The following DDAH1 variants were observed in gnomAD, a reference collection of about 807,000 sequenced individuals.
The protein encoded by DDAH1 is N(G),N(G)-dimethylarginine dimethylaminohydrolase 1.
Under a neutral mutation model 28.8 loss-of-function variants are expected in DDAH1, and 19 were observed. The ratio of observed to expected loss-of-function variants is 0.66; its 90% CI spans 0.46 to 0.97. DDAH1 has a LOEUF of 0.97. Among genes scored for constraint, DDAH1 ranks in the 50% least tolerant of loss-of-function variants. The pLI is 0.00. For missense variants in DDAH1, 326 were observed against 375.9 expected, an observed-to-expected ratio of 0.87 and a Z score of 1.10; for synonymous variants, 153 against 154.4, an observed-to-expected ratio of 0.99 and a Z score of 0.07.
At chr1:85,404,289 T>G in intron 1 of DDAH1, 2 of 1,290,674 alleles carry the variant, frequency 1.5e-6, no homozygotes, top group Non-Finnish European at 2.1e-6. Context: ...TATTGACCCA[T>G]TATACATGAA....
At chr1:85,576,601 C>G (rs983112518) in intron 1 of DDAH1, 1 of 152,506 alleles carries the variant, frequency 6.6e-6, no homozygotes, top group Non-Finnish European at 1.5e-5. Context: ...TCCGAACATC[C>G]CCCCGCCCAC....
At chr1:85,503,008 C>T (rs1656874269) in intron 1 of DDAH1, among the ~76,000 whole-genome samples, 1 of 152,090 alleles carries the variant, frequency 6.6e-6, no homozygotes, top group Admixed American at 6.6e-5. Context: ...TCTCATTGAA[C>T]ACGGACTCAG....
chr1:85,321,631 G>T, intron 5 of DDAH1, 63 bp from the exon 6 acceptor site: 1 of 1,274,172 alleles, frequency 7.8e-7, no homozygotes, highest in Non-Finnish European at 1.1e-6. Context: ...CTCAGAAGTG[G>T]AGAATCAATT....
intron 1 of DDAH1, among the ~76,000 whole-genome samples, chr1:85,416,366 T>C (rs1278739938): frequency 1.3e-5 from 2 of 152,096 alleles, no homozygotes; most frequent in African/African-American, 4.8e-5. Flanking sequence ...GGCTAAATTT[T>C]GTATTTTTAG....
At chr1:85,437,803 C>T (rs1017492468) in intron 1 of DDAH1, among the ~76,000 whole-genome samples, 1 of 152,098 alleles carries the variant, frequency 6.6e-6, no homozygotes, top group South Asian at 2.1e-4. Context: ...TACAGATTAA[C>T]CATTAATGTT....
chr1:85,381,228 C>CAAA (rs35851797), intron 1 of DDAH1, among the ~76,000 whole-genome samples: 1 of 127,392 alleles, frequency 7.8e-6, no homozygotes. Flanking sequence ...AAACTCCATC[C>CAAA]AAAAAAAAAA....
intron 1 of DDAH1, among the ~76,000 whole-genome samples, chr1:85,552,083 A>C (rs1658808957): frequency 6.6e-6 from 1 of 152,202 alleles, no homozygotes; most frequent in Non-Finnish European, 1.5e-5. Context: ...TCCAAATACA[A>C]CTGGACAAAT....
chr1:85,464,581 G>T lies in DDAH1; in HGVS notation c.303+162C>A. 2.0e-6 allele frequency: 3 copies of T among 1,495,984 alleles called. No individual in the cohort carries two copies. The highest frequency in any genetic ancestry group is 2.5e-5 in the East Asian group (1 of 39,488). 92.7% of individuals were successfully genotyped at this position (1,495,984 alleles called of 1,614,324 possible). A position where few individuals can be genotyped will look rare whatever the true frequency, so the allele number is the denominator to read the frequency against. ...AGGTGTGAACAATGAACTTCTCTCT[G>T]ACTCTCTGACACACACACACACACA... On this transcript the variant is annotated intron_variant, in intron 1 of 5. Transcript: ENST00000284031. The surrounding 1 kb of genome is among the most constrained non-coding windows in gnomAD (Gnocchi z 4.4).
chr1:85,340,967 T>G (rs2100820910), intron 4 of DDAH1, among the ~76,000 whole-genome samples: 1 of 152,358 alleles, frequency 6.6e-6, no homozygotes, highest in African/African-American at 2.4e-5. Flanking sequence ...ACCACTCTTC[T>G]GTGCCAGCTA....
chr1:85,545,852 A>G (rs998040228), intron 1 of DDAH1, among the ~76,000 whole-genome samples: 1 of 152,098 alleles, frequency 6.6e-6, no homozygotes, highest in African/African-American at 2.4e-5. Context: ...CCTTCTGAGG[A>G]GGCAAAAGTC....
intron 1 of DDAH1, among the ~76,000 whole-genome samples, chr1:85,567,661 A>C (rs189356315): frequency 8.3e-4 from 126 of 152,350 alleles, no homozygotes; most frequent in African/African-American, 2.9e-3. Context: ...CAGATGAGTC[A>C]ATTTATCCAG....
chr1:85,369,876 T>C (rs972728751), intron 1 of DDAH1, among the ~76,000 whole-genome samples: 1 of 152,160 alleles, frequency 6.6e-6, no homozygotes. Flanking sequence ...TGTGCTGATA[T>C]CTGAGTGACC....
intron 2 of DDAH1, among the ~76,000 whole-genome samples, chr1:85,352,940 T>G (rs1286674187): frequency 6.6e-6 from 1 of 152,142 alleles, no homozygotes; most frequent in Non-Finnish European, 1.5e-5. Flanking sequence ...GATTCTTTTC[T>G]TATAAAATGA....
intron 1 of DDAH1, among the ~76,000 whole-genome samples, chr1:85,410,820 A>G (rs1652621333): frequency 6.6e-6 from 1 of 152,244 alleles, no homozygotes; most frequent in Non-Finnish European, 1.5e-5. Context: ...TATCATAAAT[A>G]ATTCTTTGCT....
At chr1:85,562,762 C>A (rs910685884) in intron 1 of DDAH1, among the ~76,000 whole-genome samples, 1 of 152,132 alleles carries the variant, frequency 6.6e-6, no homozygotes, top group African/African-American at 2.4e-5. Context: ...CCTGCTAACA[C>A]CTTGATTTCA....
chr1:85,452,330 A>G (rs1654699243), intron 1 of DDAH1, among the ~76,000 whole-genome samples: 1 of 151,976 alleles, frequency 6.6e-6, no homozygotes, highest in South Asian at 2.1e-4. Flanking sequence ...CAACAACGAC[A>G]TAAATAAATA....
chr1:85,392,053 G>C (rs1651577706), intron 1 of DDAH1, among the ~76,000 whole-genome samples: 1 of 151,964 alleles, frequency 6.6e-6, no homozygotes, highest in Admixed American at 6.6e-5. Flanking sequence ...ACATGAATAA[G>C]TTCTTTAGTG....
At chr1:85,414,980 C>T (rs10493764) in intron 1 of DDAH1, among the ~76,000 whole-genome samples, 40,146 of 141,096 alleles carry the variant, frequency 0.28, 5,605 homozygotes, top group Middle Eastern at 0.34. Context: ...GTGACTTTAA[C>T]GAAAATCAAA....
chr1:85,336,985 GAT>G (rs1227272259), intron 4 of DDAH1, among the ~76,000 whole-genome samples: 1 of 152,084 alleles, frequency 6.6e-6, no homozygotes, highest in Non-Finnish European at 1.5e-5. Context: ...AAATCAAAAA[GAT>G]ATTACACCAT....
Sources: gnomAD v4.1 joint callset for allele counts (sites outside exome capture counted in the v4.1 genomes callset) on GRCh38, gnomAD v4.1.1 for gene constraint, Gnocchi (gnomAD v3.1) non-coding constraint, MANE v1.5 for transcripts, NCBI Gene and HGNC (gene_info 2026-07-23, HGNC 2026-07-21) for gene names.